The following SPIN3 variants were observed in gnomAD, a reference collection of about 807,000 sequenced individuals.
SPIN3 encodes spindlin-3.
For missense variants in SPIN3, 176 were observed against 196.4 expected (o/e 0.90, Z 0.62); for synonymous variants, 74 against 74.3 (o/e 1.00, Z 0.02).
Position 56,993,566 on chromosome X carries a change from T to C in SPIN3, c.*605A>G, listed in dbSNP as rs1245860806. On this transcript the variant is annotated 3_prime_UTR_variant, in exon 2 of 2. Coordinates refer to ENST00000374919, the MANE Select transcript of SPIN3 (RefSeq NM_001010862.3). Reference sequence around the variant, plus strand: ...CAGTTTTGCAAGGTTTCTCAGCCTATGGTTAGGTACTAAAATGCAAAGTAA... The same window carrying C: ...CAGTTTTGCAAGGTTTCTCAGCCTACGGTTAGGTACTAAAATGCAAAGTAA... The C allele has an allele frequency of 3.6e-5, 4 of 112,357 alleles. No individual in the cohort carries two copies. Among genetic ancestry groups the C allele is most frequent in the Non-Finnish European group, 7.5e-5 (4 of 53,333 alleles). The allele number at this position is 112,357 out of a possible 1,213,427, so 9.3% of individuals were successfully genotyped here.
intron 3 of SPIN3, chrX:56,982,042 C>T (rs1230432445): frequency 9.0e-6 from 1 of 111,659 alleles, no homozygotes; most frequent in Non-Finnish European, 1.9e-5. Context: ...GGTGAAAAAA[C>T]ATCTTTGTTG....
exon 6 of SPIN3, chrX:56,976,892 T>A (rs1286445951): frequency 8.9e-6 from 1 of 111,919 alleles, no homozygotes; most frequent in African/African-American, 3.2e-5. Context: ...AAAATAAGAT[T>A]GCTAGCCAAT....
chrX:56,984,544 T>G (rs181373309), intron 2 of SPIN3: 13 of 320,113 alleles, frequency 4.1e-5, no homozygotes, highest in Non-Finnish European at 6.6e-5. Context: ...AAAAAAAAAT[T>G]GTCACAAAGA....
downstream of SPIN3, chrX:56,990,776 C>T (rs995536276): frequency 3.6e-5 from 4 of 111,616 alleles, no homozygotes; most frequent in East Asian, 5.6e-4. Context: ...GAATTAATTA[C>T]ACCTCCTTCC....
At chrX:56,983,425 T>C (rs1398157679) in intron 3 of SPIN3, among the ~76,000 whole-genome samples, 1 of 111,998 alleles carries the variant, frequency 8.9e-6, no homozygotes, top group Admixed American at 9.5e-5. Flanking sequence ...TACTCTTCAG[T>C]TCTTTTCTCT....
downstream of SPIN3, among the ~76,000 whole-genome samples, chrX:56,990,481 A>C (rs928496483): frequency 2.7e-5 from 3 of 112,163 alleles, no homozygotes; most frequent in Non-Finnish European, 5.6e-5. Flanking sequence ...ATTGCAGTAG[A>C]TGTGAGTGCA....
At chrX:56,984,552 A>G (rs759043782) in intron 2 of SPIN3, 218 of 321,739 alleles carry the variant, frequency 6.8e-4, no homozygotes, top group Non-Finnish European at 5.7e-4. Flanking sequence ...ATTGTCACAA[A>G]GAGATTTATG....
At chrX:56,975,547 G>A (rs940806379), downstream of SPIN3, 3 of 111,180 alleles carry the variant, frequency 2.7e-5, no homozygotes, top group Middle Eastern at 9.3e-3. Context: ...AGGTAGGTCC[G>A]ATCCCCCCAC....
In SPIN3 at chrX:56,994,523, C is replaced by T. The variant is rs1266918517; in HGVS notation, c.425G>A (p.Gly142Asp). 2 of 1,211,817 alleles carry T rather than the reference C, an allele frequency of 1.7e-6. No individual in the cohort carries two copies. The highest frequency in any genetic ancestry group is 2.2e-5 in the Admixed American group (1 of 46,065). ...CATCCCCCTCCATTCATTTTTGGAA[C>T]CTTCCTCTGTCTCAAAAATATGTTC... ...AVEHIFETEE[G>D]SKNEWRGMVL... Residue 142 changes from glycine (G) to aspartate (D), a missense_variant, in exon 2 of 2, where the codon GGT becomes GAT. Physicochemically the swap from Gly to Asp is moderately conservative, Grantham distance 94. Transcript: ENST00000374919.
downstream of SPIN3, among the ~76,000 whole-genome samples, chrX:56,990,013 C>T (rs1387938359): frequency 9.1e-6 from 1 of 110,429 alleles, no homozygotes; most frequent in East Asian, 2.8e-4. Context: ...AAACCAGTTC[C>T]TGGTGCCAAA....
intron 3 of SPIN3, among the ~76,000 whole-genome samples, chrX:56,983,099 C>G (rs1249350828): frequency 8.9e-6 from 1 of 111,934 alleles, no homozygotes; most frequent in Non-Finnish European, 1.9e-5. Context: ...GTTTAGTGGC[C>G]CCATTTGTCA....
chrX:56,989,855 A>G (rs1924293767), downstream of SPIN3, among the ~76,000 whole-genome samples: 1 of 111,708 alleles, frequency 9.0e-6, no homozygotes, highest in Non-Finnish European at 1.9e-5. Flanking sequence ...TACTGATTCT[A>G]CATTATGGTG....
chrX:56,995,225 A>C lies in SPIN3; in HGVS notation c.-12T>G, dbSNP rs752482669. 7.2e-5 allele frequency: 22 copies of C among 305,296 alleles called. No individual in the cohort carries two copies. The South Asian group carries it at 2.4e-3, about 33-fold the overall frequency. 25.2% of individuals were successfully genotyped at this position (305,296 alleles called of 1,213,427 possible). A position where few individuals can be genotyped will look rare whatever the true frequency, so the allele number is the denominator to read the frequency against. ...CTGCTTCCAACACTACCCGGCCAGGAGGCGCAGATTCCCCACCGTCCCGGA... is the reference window on the plus strand; with the variant it reads ...CTGCTTCCAACACTACCCGGCCAGGCGGCGCAGATTCCCCACCGTCCCGGA... On this transcript the variant is annotated 5_prime_UTR_variant, in exon 1 of 2. Coordinates refer to ENST00000374919, the MANE Select transcript of SPIN3 (RefSeq NM_001010862.3).
exon 3 of SPIN3, chrX:56,984,306 A>G: frequency 3.8e-6 from 1 of 264,778 alleles, no homozygotes; most frequent in South Asian, 3.9e-5. Context: ...CTCATTCATA[A>G]CATTGGTGTG....
At chrX:56,976,677 T>C (rs977199058) in exon 6 of SPIN3, 1 of 111,618 alleles carries the variant, frequency 9.0e-6, no homozygotes, top group African/African-American at 3.3e-5. Flanking sequence ...AGCATATTGT[T>C]GCTAAAATAG....
chrX:56,975,377 T>A (rs1923983944), downstream of SPIN3: 4 of 111,935 alleles, frequency 3.6e-5, no homozygotes, highest in Admixed American at 1.9e-4. Flanking sequence ...CTGGTTATTA[T>A]CAATAAAATG....
chrX:56,993,839 A>ATCTCGGTG lies in SPIN3; in HGVS notation c.*331_*332insCACCGAGA. On this transcript the variant is annotated 3_prime_UTR_variant, in exon 2 of 2. Coordinates refer to ENST00000374919, the MANE Select transcript of SPIN3 (RefSeq NM_001010862.3). ...AAGCTTCACACCTCAATGAGTGTAGAGTCCAAGTGCCAAAAAGAGTGAGGT... is the reference window on the plus strand; with the variant it reads ...AAGCTTCACACCTCAATGAGTGTAGATCTCGGTGGTCCAAGTGCCAAAAAGAGTGAGGT... 1 of 156,378 alleles carries ATCTCGGTG rather than the reference A, an allele frequency of 6.4e-6. No individual in the cohort carries two copies. Among genetic ancestry groups the ATCTCGGTG allele is most frequent in the South Asian group, 2.4e-4 (1 of 4,218 alleles). The allele number at this position is 156,378 out of a possible 1,213,427, so 12.9% of individuals were successfully genotyped here.
chrX:56,989,338 T>C (rs1924284359), downstream of SPIN3, among the ~76,000 whole-genome samples: 2 of 111,282 alleles, frequency 1.8e-5, no homozygotes, highest in South Asian at 7.6e-4. Flanking sequence ...GTGGGCATTC[T>C]TTGAAAGAGG....
chrX:56,986,607 G>A (rs191896656), downstream of SPIN3, among the ~76,000 whole-genome samples: 5 of 111,988 alleles, frequency 4.5e-5, no homozygotes, highest in East Asian at 2.8e-4. Context: ...CTGACATCCC[G>A]ACATCCTCCA....
Sources: gnomAD v4.1 joint callset for allele counts (sites outside exome capture counted in the v4.1 genomes callset) on GRCh38, gnomAD v4.1.1 for gene constraint, MANE v1.5 for transcripts, NCBI Gene and HGNC (gene_info 2026-07-23, HGNC 2026-07-21) for gene names.